Variants in PTCHD4 observed in about 807,000 individuals in gnomAD.
The protein encoded by PTCHD4 is patched domain containing 4.
In PTCHD4, 33 loss-of-function variants were observed where a neutral mutation model predicts 58.1. The ratio of observed to expected loss-of-function variants is 0.57; its 90% CI spans 0.43 to 0.76. The LOEUF is 0.76. Ranked by LOEUF, PTCHD4 falls within the 30% of genes least tolerant of loss-of-function variation. The pLI is 0.00. For synonymous variants in PTCHD4, 478 were observed against 409.6 expected (o/e 1.17, Z -2.02); for missense variants, 1,058 against 1,027.1 (o/e 1.03, Z -0.41).
intron 4 of PTCHD4, among the ~76,000 whole-genome samples, chr6:47,892,653 T>C (rs1033369757): frequency 2.6e-5 from 4 of 152,222 alleles, no homozygotes; most frequent in African/African-American, 9.6e-5. Context: ...ATTTATGAAA[T>C]GGAAGGACTC....
intron 3 of PTCHD4, among the ~76,000 whole-genome samples, chr6:48,023,390 A>T (rs541661887): frequency 7.9e-5 from 12 of 152,316 alleles, no homozygotes; most frequent in Non-Finnish European, 1.6e-4. Context: ...AGAGAAAAAT[A>T]TTAAGCTAGA....
intron 4 of PTCHD4, among the ~76,000 whole-genome samples, chr6:48,003,968 T>C (rs1390391139): frequency 1.3e-5 from 2 of 152,364 alleles, no homozygotes; most frequent in East Asian, 1.9e-4. Context: ...TCTGACCACT[T>C]ATGTTCTTTA....
In PTCHD4 at chr6:47,913,024, C is replaced by G. The variant is rs139850292; in HGVS notation, c.899-33088G>C. 3.5e-3 allele frequency among the ~76,000 whole-genome samples: 530 copies of G among 152,250 alleles called. 6 individuals carry two copies. The highest frequency in any genetic ancestry group is 0.011 in the African/African-American group (470 of 41,560). On this transcript the variant is annotated intron_variant, in intron 4 of 4. Coordinates refer to ENST00000339488, the MANE Select transcript of PTCHD4 (RefSeq NM_001384253.1). Reference sequence around the variant, plus strand: ...CATCTCTAGTTCTGAGTGACCAGCACTGCTACAAGCTAATTTATCCCCAAT... The same window carrying G: ...CATCTCTAGTTCTGAGTGACCAGCAGTGCTACAAGCTAATTTATCCCCAAT...
chr6:48,016,485 G>A (rs1281511393), intron 3 of PTCHD4, among the ~76,000 whole-genome samples: 2 of 151,998 alleles, frequency 1.3e-5, no homozygotes, highest in Non-Finnish European at 2.9e-5. Flanking sequence ...TCAGGTTCTT[G>A]ATGCAGCATA....
In PTCHD4 at chr6:47,875,776, G is replaced by A. The variant is rs1403219426; in HGVS notation, c.*2527C>T. Among the ~76,000 whole-genome samples, 1 of 151,732 alleles carries A rather than the reference G, an allele frequency of 6.6e-6. No individual in the cohort carries two copies. Among genetic ancestry groups the A allele is most frequent in the African/African-American group, 2.4e-5 (1 of 41,338 alleles). ...TGGCAGTGTATACCATTTCCTCCAT[G>A]TGCTTTTGACAACTGGCATGCTTGA... On this transcript the variant is annotated 3_prime_UTR_variant, in exon 5 of 5. Coordinates refer to ENST00000339488, the MANE Select transcript of PTCHD4 (RefSeq NM_001384253.1).
At chr6:47,931,993 T>C (rs1162635563) in intron 4 of PTCHD4, among the ~76,000 whole-genome samples, 2 of 152,214 alleles carry the variant, frequency 1.3e-5, no homozygotes, top group Non-Finnish European at 2.9e-5. Flanking sequence ...ATCCATATAA[T>C]GCTGCAAAAC....
intron 3 of PTCHD4, among the ~76,000 whole-genome samples, chr6:48,028,800 A>G (rs949322218): frequency 1.3e-5 from 2 of 152,106 alleles, no homozygotes; most frequent in African/African-American, 4.8e-5. Flanking sequence ...GGCTTTTGAC[A>G]TTTTTGATAA....
chr6:47,908,650 G>T (rs951582699), intron 4 of PTCHD4, among the ~76,000 whole-genome samples: 24 of 152,102 alleles, frequency 1.6e-4, no homozygotes, highest in Non-Finnish European at 3.1e-4. Context: ...TCTCAGTAAC[G>T]CATCTTATCG....
intron 4 of PTCHD4, among the ~76,000 whole-genome samples, chr6:47,943,455 G>C (rs1281924701): frequency 6.6e-6 from 1 of 152,144 alleles, no homozygotes; most frequent in Non-Finnish European, 1.5e-5. Context: ...TAAATCCAGA[G>C]AGGAAAAATT....
At chr6:48,083,735 T>C (rs1013686922) in intron 1 of PTCHD4, among the ~76,000 whole-genome samples, 3 of 152,174 alleles carry the variant, frequency 2.0e-5, no homozygotes, top group African/African-American at 7.2e-5. Flanking sequence ...AGAATGTGTC[T>C]GGAGTATCTA....
chr6:47,880,051 C>A, intron 4 of PTCHD4, 115 bp from the exon 5 acceptor site: 1 of 824,858 alleles, frequency 1.2e-6, no homozygotes, highest in Non-Finnish European at 1.8e-6. Context: ...CTTCAAAGGG[C>A]TGTGATCCTC....
chr6:48,003,439 T>G (rs1575789), intron 4 of PTCHD4, among the ~76,000 whole-genome samples: 1 of 152,058 alleles, frequency 6.6e-6, no homozygotes, highest in South Asian at 2.1e-4. Context: ...TTCTCTTACA[T>G]GCCATATCTA....
intron 1 of PTCHD4, among the ~76,000 whole-genome samples, chr6:48,100,945 T>C (rs1028131713): frequency 6.6e-6 from 1 of 152,034 alleles, no homozygotes; most frequent in Non-Finnish European, 1.5e-5. Flanking sequence ...GTCAAAATAA[T>C]TTTAAAAAAT....
At chr6:48,043,260 T>C (rs1451002461) in intron 3 of PTCHD4, among the ~76,000 whole-genome samples, 3 of 151,900 alleles carry the variant, frequency 2.0e-5, no homozygotes, top group African/African-American at 7.2e-5. Flanking sequence ...CTTCCCAGAA[T>C]GGTTTTTCAA....
At chr6:47,924,323 G>A (rs1377231463) in intron 4 of PTCHD4, among the ~76,000 whole-genome samples, 1 of 152,114 alleles carries the variant, frequency 6.6e-6, no homozygotes, top group Non-Finnish European at 1.5e-5. Flanking sequence ...GGAGGAGAGA[G>A]AAAGAGAAAG....
At chr6:48,045,376 G>A (rs996712195) in intron 3 of PTCHD4, among the ~76,000 whole-genome samples, 5 of 151,706 alleles carry the variant, frequency 3.3e-5, no homozygotes, top group South Asian at 4.1e-4. Flanking sequence ...TGTTTGAGTC[G>A]TAATATTTCT....
rs972864918 is a variant in PTCHD4, at chr6:47,896,366, A to G, written c.899-16430T>C. On this transcript the variant is annotated intron_variant, in intron 4 of 4. Coordinates refer to ENST00000339488, the MANE Select transcript of PTCHD4 (RefSeq NM_001384253.1). ...AGAGTATCCTAACAATTCTTTTTGG[A>G]TAAGTTTACTGAGTCTATGAATGAA... Among the ~76,000 whole-genome samples, 3 of 152,192 alleles carry G rather than the reference A, an allele frequency of 2.0e-5. No homozygotes were observed. The East Asian group carries it at 5.8e-4, about 29-fold the overall frequency.
At chr6:48,064,786 G>T (rs918286636) in intron 3 of PTCHD4, among the ~76,000 whole-genome samples, 4 of 152,112 alleles carry the variant, frequency 2.6e-5, no homozygotes, top group Non-Finnish European at 4.4e-5. Context: ...GAATAGTACA[G>T]AAAGGATATA....
At chr6:48,003,211 G>T (rs1582002204) in intron 4 of PTCHD4, among the ~76,000 whole-genome samples, 1 of 152,064 alleles carries the variant, frequency 6.6e-6, no homozygotes, top group Non-Finnish European at 1.5e-5. Context: ...TAGCTATGCT[G>T]TGATGAATCT....
Sources: allele counts gnomAD v4.1 joint callset (sites outside exome capture counted in the v4.1 genomes callset), GRCh38; gene constraint gnomAD v4.1.1; transcripts MANE v1.5; gene names NCBI Gene and HGNC (gene_info 2026-07-23, HGNC 2026-07-21).